Variants in AKAP13 observed in about 807,000 individuals in gnomAD.
AKAP13 encodes the protein A-kinase anchor protein 13.
Under a neutral mutation model 264.5 loss-of-function variants are expected in AKAP13, and 80 were observed. The observed-to-expected ratio is 0.30, with a 90% CI of 0.25 to 0.36. AKAP13 has a LOEUF of 0.36. Ranked by LOEUF, AKAP13 falls within the 10% of genes least tolerant of loss-of-function variation. AKAP13 has a pLI of 1.00. For synonymous variants in AKAP13, 1,380 were observed against 1,250.2 expected (o/e 1.10, Z -2.19); for missense variants, 3,712 against 3,435.2 (o/e 1.08, Z -2.01).
chr15:85,740,954 C>G, intron 34 of AKAP13, 92 bp from the exon 35 acceptor site: 1 of 1,510,212 alleles, frequency 6.6e-7, no homozygotes, highest in Non-Finnish European at 8.8e-7. Flanking sequence ...CGTCATAGTG[C>G]CTGGTGCCCC....
intron 3 of AKAP13, among the ~76,000 whole-genome samples, chr15:85,528,328 C>T (rs765766087): frequency 9.2e-5 from 14 of 152,106 alleles, no homozygotes; most frequent in African/African-American, 3.4e-4. Context: ...TTATTCTTTC[C>T]CTCCTCACTT....
rs2089362181 is a variant in AKAP13 at position 85,746,153 on chromosome 15, A to G, written c.*1476A>G. The G allele has an allele frequency of 6.6e-6, 1 of 152,638 alleles. No individual in the cohort carries two copies. Among genetic ancestry groups the G allele is most frequent in the Non-Finnish European group, 1.5e-5 (1 of 68,042 alleles). The allele number at this position is 152,638 out of a possible 1,614,324, so 9.5% of individuals were successfully genotyped here. A position where few individuals can be genotyped will look rare whatever the true frequency, so the allele number is the denominator to read the frequency against. ...CCTCGGAAGCATGGGGCTTTTGAGC[A>G]CACTTAAAAAAAGAAAAATCTGTAA... On this transcript the variant is annotated 3_prime_UTR_variant, in exon 37 of 37. Coordinates refer to ENST00000394518, the MANE Select transcript of AKAP13 (RefSeq NM_007200.5).
intron 2 of AKAP13, among the ~76,000 whole-genome samples, chr15:85,491,951 A>G (rs948423055): frequency 2.0e-5 from 3 of 152,220 alleles, no homozygotes; most frequent in Non-Finnish European, 4.4e-5. Context: ...CTTTCGTCAT[A>G]CATAAGGAAA....
chr15:85,404,056 T>C (rs1439851010), intron 1 of AKAP13, among the ~76,000 whole-genome samples: 1 of 152,150 alleles, frequency 6.6e-6, no homozygotes, highest in Non-Finnish European at 1.5e-5. Context: ...TGTTAACTTC[T>C]GATACCTTCT....
intron 8 of AKAP13, among the ~76,000 whole-genome samples, chr15:85,589,338 A>G (rs1246936009): frequency 6.6e-6 from 1 of 152,174 alleles, no homozygotes; most frequent in Non-Finnish European, 1.5e-5. Flanking sequence ...GCTAGTATGT[A>G]AACAAAGGAG....
chr15:85,572,026 G>C (rs1411934901), intron 5 of AKAP13, among the ~76,000 whole-genome samples: 2 of 152,160 alleles, frequency 1.3e-5, no homozygotes, highest in African/African-American at 4.8e-5. Context: ...AGTAGGCTGT[G>C]GTTAGAGAAA....
intron 1 of AKAP13, among the ~76,000 whole-genome samples, chr15:85,408,447 G>A (rs989302197): frequency 6.6e-6 from 1 of 151,626 alleles, no homozygotes; most frequent in African/African-American, 2.4e-5. Context: ...GTTGCGGAAC[G>A]GAAATTTTGT....
intron 8 of AKAP13, among the ~76,000 whole-genome samples, chr15:85,620,900 G>A (rs541521989): frequency 4.6e-5 from 7 of 152,262 alleles, no homozygotes; most frequent in South Asian, 4.1e-4. Flanking sequence ...TCCTCCAGCC[G>A]GTAAGATGAG....
chr15:85,440,591 C>G (rs1032901854), intron 1 of AKAP13, among the ~76,000 whole-genome samples: 1 of 152,164 alleles, frequency 6.6e-6, no homozygotes, highest in African/African-American at 2.4e-5. Flanking sequence ...ATAGATGACT[C>G]TTTTCAAAAT....
intron 1 of AKAP13, among the ~76,000 whole-genome samples, chr15:85,385,117 C>A (rs2070488158): frequency 6.6e-6 from 1 of 152,142 alleles, no homozygotes; most frequent in African/African-American, 2.4e-5. Flanking sequence ...CAACAGAGAC[C>A]ATGTGATCTG....
chr15:85,580,863 T>C lies in AKAP13; in HGVS notation c.2795T>C (p.Val932Ala). 1 of 1,614,152 alleles carries C rather than the reference T, an allele frequency of 6.2e-7. No homozygotes were observed. Among genetic ancestry groups the C allele is most frequent in the Non-Finnish European group, 8.5e-7 (1 of 1,180,030 alleles). The stretch of plus-strand genomic sequence containing the variant: ...CAGGAACAAGATAAGGATAAAGCGG[T>C]GACCTGTTCCTCTATTAAGGAAAAT... Reference protein sequence around the residue: ...AAQEQDKDKAVTCSSIKENAL... With the variant: ...AAQEQDKDKAATCSSIKENAL... The change falls in exon 7 of 37, where the codon GTG (valine) becomes GCG (alanine). Residue 932 changes from valine (V) to alanine (A), a missense_variant. Val to Ala is a moderately conservative substitution (Grantham distance 64, BLOSUM62 0). Around this residue, in one of 3 missense-constraint regions of AKAP13, gnomAD observed 2,759 missense variants for 2,411.7 expected, o/e 1.14. Coordinates refer to ENST00000394518, the MANE Select transcript of AKAP13 (RefSeq NM_007200.5).
chr15:85,585,413 G>C (rs989648704), intron 7 of AKAP13, among the ~76,000 whole-genome samples: 1 of 152,148 alleles, frequency 6.6e-6, no homozygotes, highest in Non-Finnish European at 1.5e-5. Context: ...GCTACACTCA[G>C]ATTTGTCATA....
At chr15:85,414,936 G>A (rs888862450) in intron 1 of AKAP13, among the ~76,000 whole-genome samples, 4 of 152,042 alleles carry the variant, frequency 2.6e-5, no homozygotes, top group African/African-American at 9.7e-5. Context: ...TATGCAATTG[G>A]TGCTTTAGGA....
In AKAP13 at chr15:85,580,700, C is replaced by T; in HGVS notation, c.2632C>T (p.Pro878Ser). The change falls in exon 7 of 37, where the codon CCA becomes TCA. Residue 878 changes from proline (P) to serine (S), a missense_variant. By Grantham distance (74) the Pro-to-Ser change is moderately conservative. This residue lies in a region of AKAP13 where 2,759 missense variants were observed against 2,411.7 expected (regional missense o/e 1.14). Transcript: ENST00000394518. ...LGGEHEGPAP[P>S]AIPEALNIKG... ...TGGAGAGCATGAGGGTCCCGCCCCT[C>T]CAGCAATCCCAGAAGCTCTGAATAT... The T allele has an allele frequency of 1.2e-6, 2 of 1,614,164 alleles. No homozygotes were observed. Among genetic ancestry groups the T allele is most frequent in the Non-Finnish European group, 1.7e-6 (2 of 1,180,030 alleles).
In AKAP13 at chr15:85,684,791, A is replaced by C; in HGVS notation, c.5207A>C (p.Asp1736Ala). The C allele has an allele frequency of 2.5e-6, 4 of 1,613,864 alleles. No individual in the cohort carries two copies. Among genetic ancestry groups the C allele is most frequent in the Non-Finnish European group, 2.5e-6 (3 of 1,179,974 alleles). The change falls in exon 16 of 37, where the codon GAT becomes GCT. Residue 1736 changes from aspartate to alanine, a missense_variant. By Grantham distance (126) the Asp-to-Ala change is moderately radical. Coordinates refer to ENST00000394518, the MANE Select transcript of AKAP13 (RefSeq NM_007200.5). ...CTGCCACATAGCCCCTCCAAGAAAG[A>C]TTCTGAATGGAAGAGTGGAACAAAA... ...NFLPHSPSKK[D>A]SEWKSGTKVS...
chr15:85,735,830 T>G (rs538030796), intron 32 of AKAP13, among the ~76,000 whole-genome samples, 200 bp downstream of exon 32: 97 of 152,334 alleles, frequency 6.4e-4, no homozygotes, highest in Non-Finnish European at 1.3e-3. Context: ...CCTCACTGGC[T>G]TAGGGCAGTG....
intron 3 of AKAP13, among the ~76,000 whole-genome samples, chr15:85,524,775 TTCTC>T (rs1217128202): frequency 1.3e-5 from 2 of 152,014 alleles, no homozygotes; most frequent in Non-Finnish European, 2.9e-5. Flanking sequence ...CATCTCAGTT[TTCTC>T]TCTTTTTTTT....
At chr15:85,610,924 A>T (rs2080583079) in intron 8 of AKAP13, among the ~76,000 whole-genome samples, 1 of 152,240 alleles carries the variant, frequency 6.6e-6, no homozygotes, top group African/African-American at 2.4e-5. Flanking sequence ...GGTTGCAGTG[A>T]GTCGACATCG....
intron 14 of AKAP13, among the ~76,000 whole-genome samples, chr15:85,672,591 T>G (rs1414104145): frequency 1.3e-5 from 2 of 152,156 alleles, no homozygotes. Flanking sequence ...ATAAATAAAA[T>G]CCTCAGTGAT....
Sources: gnomAD v4.1 joint callset for allele counts (sites outside exome capture counted in the v4.1 genomes callset) on GRCh38, gnomAD v4.1.1 for gene constraint, gnomAD v4.1.1 regional missense constraint, MANE v1.5 for transcripts, NCBI Gene and HGNC (gene_info 2026-07-23, HGNC 2026-07-21) for gene names.